DPF3: variants seen among roughly 807,000 people sequenced by gnomAD.
DPF3 encodes double PHD fingers 3.
Under a neutral mutation model 56.8 loss-of-function variants are expected in DPF3, and 18 were observed. The ratio of observed to expected loss-of-function variants is 0.32; its 90% CI spans 0.22 to 0.47. The LOEUF (loss-of-function observed/expected upper bound fraction) is 0.47. Among genes scored for constraint, DPF3 ranks in the 20% least tolerant of loss-of-function variants. The pLI, the probability that DPF3 is intolerant of heterozygous loss-of-function variation, is 1.00. For synonymous variants in DPF3, 188 were observed against 180.2 expected, an observed-to-expected ratio of 1.04 and a Z score of -0.35; for missense variants, 403 against 488.8, an observed-to-expected ratio of 0.82 and a Z score of 1.65.
intron 7 of DPF3, among the ~76,000 whole-genome samples, chr14:72,689,026 G>A (rs974833349): frequency 2.6e-5 from 4 of 152,100 alleles, no homozygotes; most frequent in East Asian, 3.9e-4. Context: ...AAACAAAGGC[G>A]TGAGAGCATC....
chr14:72,673,565 A>C (rs1886782128), intron 8 of DPF3, among the ~76,000 whole-genome samples: 1 of 152,240 alleles, frequency 6.6e-6, no homozygotes, highest in Non-Finnish European at 1.5e-5. Flanking sequence ...TTAAGAATGA[A>C]GGAACAAGAC....
intron 9 of DPF3, 80 bp downstream of exon 9, chr14:72,629,544 A>G: frequency 7.5e-7 from 1 of 1,340,510 alleles, no homozygotes. Flanking sequence ...TAGTGACAAG[A>G]GTCCTTCCTT....
chr14:72,660,786 G>A (rs1462442653), intron 8 of DPF3, among the ~76,000 whole-genome samples: 1 of 152,192 alleles, frequency 6.6e-6, no homozygotes, highest in Non-Finnish European at 1.5e-5. Context: ...ATGGGGGAGT[G>A]GGTGACAGCA....
intron 1 of DPF3, among the ~76,000 whole-genome samples, chr14:72,804,643 G>A (rs1893018111): frequency 6.6e-6 from 1 of 152,128 alleles, no homozygotes. Context: ...TCCCAATAAG[G>A]AGGCAGAAAG....
At chr14:72,822,416 G>A (rs1212573176) in intron 1 of DPF3, among the ~76,000 whole-genome samples, 1 of 150,252 alleles carries the variant, frequency 6.7e-6, no homozygotes, top group East Asian at 1.9e-4. Flanking sequence ...CTATGTCCTA[G>A]ATTGTTAAAA....
intron 2 of DPF3, among the ~76,000 whole-genome samples, chr14:72,762,887 G>T (rs1042291973): frequency 6.6e-6 from 1 of 151,870 alleles, no homozygotes; most frequent in Non-Finnish European, 1.5e-5. Flanking sequence ...TCTATAGAAA[G>T]CTATTAGAAC....
chr14:72,681,666 C>G (rs1599352828), intron 7 of DPF3, among the ~76,000 whole-genome samples: 1 of 152,320 alleles, frequency 6.6e-6, no homozygotes, highest in South Asian at 2.1e-4. Context: ...CTCCCAAAAA[C>G]TGTGCCATAA....
intron 1 of DPF3, among the ~76,000 whole-genome samples, chr14:72,867,269 G>A (rs147007754): frequency 1.1e-3 from 169 of 152,302 alleles, no homozygotes; most frequent in Middle Eastern, 0.01. Context: ...GAGTAAGGGA[G>A]ATGAGTTGCA....
chr14:72,851,799 T>C (rs1251716214), intron 1 of DPF3, among the ~76,000 whole-genome samples: 1 of 152,236 alleles, frequency 6.6e-6, no homozygotes, highest in Non-Finnish European at 1.5e-5. Context: ...ATCGCCCTCC[T>C]ACCACGGGCA....
intron 1 of DPF3, among the ~76,000 whole-genome samples, chr14:72,845,023 T>C (rs777215279): frequency 2.0e-5 from 3 of 152,128 alleles, no homozygotes; most frequent in Non-Finnish European, 4.4e-5. Context: ...GAGGATCACT[T>C]GAGCCCAGGA....
At chr14:72,671,246 T>C (rs1886661484) in intron 8 of DPF3, 2 of 1,613,974 alleles carry the variant, frequency 1.2e-6, no homozygotes, top group Non-Finnish European at 1.7e-6. Flanking sequence ...AAAGTTGACG[T>C]GTCACTTTCT....
chr14:72,610,092 C>T lies in DPF3; in HGVS notation c.*9205G>A, dbSNP rs1010374419. ...GTGTGAGGTAAAAGAGACAAGCAAG[C>T]ATTTTGGAATGATGGGGATAAAATG... On this transcript the variant is annotated 3_prime_UTR_variant, in exon 11 of 11. Transcript: ENST00000556509. Among the ~76,000 whole-genome samples, 3 of 152,236 alleles carry T rather than the reference C, an allele frequency of 2.0e-5. No individual in the cohort carries two copies. Among genetic ancestry groups the T allele is most frequent in the Non-Finnish European group, 4.4e-5 (3 of 68,040 alleles).
At position 72,723,710 on chromosome 14, in the gene DPF3, C is replaced by T. The variant is rs751424392; in HGVS notation, c.448G>A (p.Glu150Lys). The change falls in exon 5 of 11, where the codon GAA becomes AAA. Residue 150 changes from glutamate (E) to lysine (K), a missense_variant. Coordinates refer to ENST00000556509, the MANE Select transcript of DPF3 (RefSeq NM_001280542.3). ...TCTTCATTCCCTTCTTCTACATTTT[C>T]ATCATTTTCCAAAACCCTCTGAAAT... ...QEIQRVLEND[E>K]NVEEGNEEED... 1 of 1,577,246 alleles carries T rather than the reference C, an allele frequency of 6.3e-7. No individual in the cohort carries two copies. Among genetic ancestry groups the T allele is most frequent in the East Asian group, 2.3e-5 (1 of 43,320 alleles).
At chr14:72,730,964 T>C (rs149006960) in intron 4 of DPF3, among the ~76,000 whole-genome samples, 1,840 of 152,056 alleles carry the variant, frequency 0.012, 39 homozygotes, top group African/African-American at 0.043. Flanking sequence ...GGTCAGGAGT[T>C]TGAGACCAGC....
intron 6 of DPF3, among the ~76,000 whole-genome samples, chr14:72,696,508 T>C (rs1196052757): frequency 6.6e-6 from 1 of 152,244 alleles, no homozygotes; most frequent in South Asian, 2.1e-4. Flanking sequence ...TGTTGACATA[T>C]ACATACTACG....
At chr14:72,707,289 G>A (rs905126836) in intron 6 of DPF3, among the ~76,000 whole-genome samples, 9 of 152,174 alleles carry the variant, frequency 5.9e-5, no homozygotes, top group South Asian at 4.2e-4. Context: ...ATAAACATAC[G>A]TGTGCATGTG....
chr14:72,679,444 C>G (rs1335565043), intron 7 of DPF3: 1 of 153,000 alleles, frequency 6.5e-6, no homozygotes, highest in African/African-American at 2.4e-5. Flanking sequence ...TGCCCACCAC[C>G]CACCACCCAG....
chr14:72,666,894 C>A (rs4903044), intron 8 of DPF3, among the ~76,000 whole-genome samples: 1 of 151,956 alleles, frequency 6.6e-6, no homozygotes, highest in Non-Finnish European at 1.5e-5. Context: ...TTTAAGTACA[C>A]GTTCAAGATC....
At chr14:72,724,081 TC>T (rs1412226163) in intron 4 of DPF3, 1 of 189,176 alleles carries the variant, frequency 5.3e-6, no homozygotes, top group African/African-American at 2.4e-5. Context: ...TTCTTTTTGC[TC>T]CCAAAGGGCC....
Sources: allele counts gnomAD v4.1 joint callset (sites outside exome capture counted in the v4.1 genomes callset), GRCh38; gene constraint gnomAD v4.1.1; transcripts MANE v1.5; gene names NCBI Gene and HGNC (gene_info 2026-07-23, HGNC 2026-07-21).